Variants in RAPGEF2 observed in about 807,000 individuals in gnomAD.
RAPGEF2 encodes Rap guanine nucleotide exchange factor 2, also known as PDZ domain containing guanine nucleotide exchange factor (GEF) 1.
Under a neutral mutation model 186.7 loss-of-function variants are expected in RAPGEF2, and 54 were observed. The observed-to-expected ratio is 0.29, with a 90% CI of 0.23 to 0.36. The LOEUF is 0.36. Among genes scored for constraint, RAPGEF2 ranks in the 10% least tolerant of loss-of-function variants. The pLI, the probability that RAPGEF2 is intolerant of heterozygous loss-of-function variation, is 1.00. For missense variants in RAPGEF2, 1,532 were observed against 2,045.0 expected (o/e 0.75, Z 4.84); for synonymous variants, 712 against 705.9 (o/e 1.01, Z -0.14).
At chr4:159,253,634 A>G (rs1755752534) in intron 7 of RAPGEF2, among the ~76,000 whole-genome samples, 1 of 151,464 alleles carries the variant, frequency 6.6e-6, no homozygotes, top group Non-Finnish European at 1.5e-5. Context: ...ATTCCGAATA[A>G]CCATAGTTTT....
intron 7 of RAPGEF2, among the ~76,000 whole-genome samples, chr4:159,288,949 A>C (rs1032411473): frequency 9.9e-5 from 15 of 152,200 alleles, no homozygotes; most frequent in Non-Finnish European, 2.1e-4. Context: ...CAGCCTTCTC[A>C]GATCACCCAG....
chr4:159,241,793 C>G (rs1754041069), intron 6 of RAPGEF2, among the ~76,000 whole-genome samples: 1 of 152,008 alleles, frequency 6.6e-6, no homozygotes, highest in African/African-American at 2.4e-5. Flanking sequence ...CCACCCTTCA[C>G]TCCCAACCCA....
chr4:159,333,860 A>G (rs916831830), intron 17 of RAPGEF2, among the ~76,000 whole-genome samples: 1 of 152,256 alleles, frequency 6.6e-6, no homozygotes, highest in East Asian at 1.9e-4. Flanking sequence ...GTAGATATGC[A>G]GGACTATATC....
intron 1 of RAPGEF2, among the ~76,000 whole-genome samples, chr4:159,133,283 A>G (rs1393316647): frequency 1.3e-5 from 2 of 152,096 alleles, no homozygotes; most frequent in Admixed American, 6.6e-5. Context: ...TTGCATTTCT[A>G]ATTTTGCTTG....
intron 7 of RAPGEF2, among the ~76,000 whole-genome samples, chr4:159,265,186 A>G (rs906906211): frequency 1.3e-5 from 2 of 152,314 alleles, no homozygotes; most frequent in South Asian, 2.1e-4. Flanking sequence ...GTGAGTGCCT[A>G]CAGTGCTTGG....
At position 159,163,140 on chromosome 4, in the gene RAPGEF2, C is replaced by T. The variant is rs1744900312; in HGVS notation, c.70-23502C>T. Among the ~76,000 whole-genome samples, 3 of 152,224 alleles carry T rather than the reference C, an allele frequency of 2.0e-5. No individual in the cohort carries two copies. The South Asian group carries it at 6.2e-4, about 32-fold the overall frequency. ...GGTAGCTAGTAGGTATTTATCCTTA[C>T]CAAAAGATGGGCATGCTTGAAGTAA... On this transcript the variant is annotated intron_variant, in intron 1 of 29. Transcript: ENST00000691494.
At position 159,345,266 on chromosome 4, in the gene RAPGEF2, C is replaced by A. The variant is rs1030147090; in HGVS notation, c.3439C>A (p.Leu1147Ile). 7 of 1,614,024 alleles carry A rather than the reference C, an allele frequency of 4.3e-6. No individual in the cohort carries two copies. In the African/African-American group the frequency reaches 8.0e-5, roughly 18 times the overall value. The change falls in exon 24 of 30, where the codon CTA becomes ATA. Residue 1147 changes from leucine to isoleucine, a missense_variant. Physicochemically the swap from Leu to Ile is conservative, Grantham distance 5 (BLOSUM62 2). Around this residue, in one of 4 missense-constraint regions of RAPGEF2, gnomAD observed 117 missense variants for 180.8 expected, o/e 0.65. Transcript: ENST00000691494. ...KVKQYLSNLE[L>I]EMDEESLQTL... ...GAAGCAGTACCTTTCCAATTTGGAG[C>A]TAGAAATGGACGAGGAGAGTCTTCA...
At chr4:159,320,787 G>A (rs575444835) in intron 9 of RAPGEF2, among the ~76,000 whole-genome samples, 13 of 151,854 alleles carry the variant, frequency 8.6e-5, no homozygotes, top group Non-Finnish European at 1.2e-4. Flanking sequence ...CTATATCCAA[G>A]AACATAAAAT....
chr4:159,354,791 G>A (rs1731715603), intron 28 of RAPGEF2, among the ~76,000 whole-genome samples: 1 of 152,220 alleles, frequency 6.6e-6, no homozygotes, highest in Admixed American at 6.5e-5. Flanking sequence ...CTAAGTACAT[G>A]AAAGCTATTG....
intron 1 of RAPGEF2, among the ~76,000 whole-genome samples, chr4:159,131,530 T>TTTG (rs1741100602): frequency 6.7e-6 from 1 of 149,002 alleles, no homozygotes; most frequent in Non-Finnish European, 1.5e-5. Context: ...TTTTTTTTTT[T>TTTG]TTTTTTTTTT....
chr4:159,198,299 TTTCTTTCTTTCTTTCTTTCTTTCTTTC>T (rs1748970983), intron 3 of RAPGEF2, among the ~76,000 whole-genome samples: 1 of 59,588 alleles, frequency 1.7e-5, no homozygotes, highest in Non-Finnish European at 3.0e-5. Flanking sequence ...TCTTTCTTTC[TTTCTTTCTTTCTTTCTTTCTTTCTTTC>T]TTTCTTTCTT....
chr4:159,267,570 GT>G (rs972770621), intron 7 of RAPGEF2, among the ~76,000 whole-genome samples: 1 of 152,118 alleles, frequency 6.6e-6, no homozygotes, highest in African/African-American at 2.4e-5. Context: ...CTAGGGAGGA[GT>G]TCCCGATTCA....
chr4:159,195,429 G>A (rs1340644504), intron 3 of RAPGEF2, among the ~76,000 whole-genome samples: 2 of 152,144 alleles, frequency 1.3e-5, no homozygotes, highest in Non-Finnish European at 2.9e-5. Flanking sequence ...TGAGGTGATA[G>A]CCGACATTTA....
Position 159,341,554 on chromosome 4 carries a change from T to A in RAPGEF2, c.2535-10T>A. On this transcript the variant is annotated splice_polypyrimidine_tract_variant and intron_variant, in intron 19 of 29. Transcript: ENST00000691494. ...AGGCTTTGACTCTGATATGTTTCTG[T>A]TTTTCATAGGTATTATCTGAAAAAC... The A allele has an allele frequency of 6.4e-7, 1 of 1,565,920 alleles. No individual in the cohort carries two copies. Among genetic ancestry groups the A allele is most frequent in the Non-Finnish European group, 8.6e-7 (1 of 1,160,508 alleles).
chr4:159,202,207 T>G (rs1251669580), intron 3 of RAPGEF2, among the ~76,000 whole-genome samples: 4 of 152,194 alleles, frequency 2.6e-5, no homozygotes, highest in African/African-American at 9.7e-5. Flanking sequence ...GCTGTCCATG[T>G]GAAGCATTTA....
chr4:159,342,454 T>C (rs1729602930), intron 20 of RAPGEF2, among the ~76,000 whole-genome samples: 1 of 151,744 alleles, frequency 6.6e-6, no homozygotes, highest in Non-Finnish European at 1.5e-5. Flanking sequence ...GTTATATTGA[T>C]GTTGAGGGTG....
chr4:159,274,708 T>A (rs1758606050), intron 7 of RAPGEF2, among the ~76,000 whole-genome samples: 1 of 152,204 alleles, frequency 6.6e-6, no homozygotes, highest in Admixed American at 6.5e-5. Flanking sequence ...TAGTATTGTC[T>A]TAGGTATTAC....
chr4:159,167,910 G>C (rs1745498275), intron 1 of RAPGEF2, among the ~76,000 whole-genome samples: 1 of 152,156 alleles, frequency 6.6e-6, no homozygotes, highest in Admixed American at 6.5e-5. Flanking sequence ...ACTTCCACAA[G>C]TATTGTTGTC....
At chr4:159,282,612 C>T (rs1158192970) in intron 7 of RAPGEF2, 1 of 445,166 alleles carries the variant, frequency 2.2e-6, no homozygotes, top group Non-Finnish European at 4.5e-6. Context: ...GTTTTTCTTG[C>T]CTTTTCTAAC....
Sources: gnomAD v4.1 joint callset for allele counts (sites outside exome capture counted in the v4.1 genomes callset) on GRCh38, gnomAD v4.1.1 for gene constraint, gnomAD v4.1.1 regional missense constraint, MANE v1.5 for transcripts, NCBI Gene and HGNC (gene_info 2026-07-23, HGNC 2026-07-21) for gene names.